GATA5: variants seen among roughly 807,000 people sequenced by gnomAD.
GATA5 encodes GATA binding protein 5, also known as transcription factor GATA-5.
In GATA5, 27 loss-of-function variants were observed where a neutral mutation model predicts 35.0. The ratio of observed to expected loss-of-function variants is 0.77; its 90% CI spans 0.57 to 1.06. The LOEUF is 1.06. Ranked by LOEUF, GATA5 falls within the 50% of genes least tolerant of loss-of-function variation. The pLI, the probability that GATA5 is intolerant of heterozygous loss-of-function variation, is 0.00. For missense variants in GATA5, 612 were observed against 580.0 expected (o/e 1.06, Z -0.57); for synonymous variants, 306 against 267.8 (o/e 1.14, Z -1.39).
chr20:62,464,084 G>C lies in GATA5; in HGVS notation c.*752C>G, dbSNP rs1158686658. 1.3e-5 allele frequency: 2 copies of C among 152,270 alleles called. No individual in the cohort carries two copies. The highest frequency in any genetic ancestry group is 2.4e-5 in the African/African-American group (1 of 41,456). The allele number at this position is 152,270 out of a possible 1,614,324, so 9.4% of individuals were successfully genotyped here. A position where few individuals can be genotyped will look rare whatever the true frequency, so the allele number is the denominator to read the frequency against. Reference sequence around the variant, plus strand: ...AACAGCGCTTGGATGGGTCAGGACAGGGCTACCAGACAATTCATTCTGCCT... The same window carrying C: ...AACAGCGCTTGGATGGGTCAGGACACGGCTACCAGACAATTCATTCTGCCT... On this transcript the variant is annotated 3_prime_UTR_variant, in exon 7 of 7. Coordinates refer to ENST00000252997, the MANE Select transcript of GATA5 (RefSeq NM_080473.5).
Position 62,466,406 on chromosome 20 carries a change from GC to G in GATA5, c.825+19del. ...GGCTGGACAGAGGCCTCCCCGCCCT[GC>G]CCCGGGGACCACACTCACCCCGTGC... On this transcript the variant is annotated intron_variant, in intron 4 of 6. Transcript: ENST00000252997. The G allele has an allele frequency of 6.4e-7, 1 of 1,567,270 alleles. No homozygotes were observed. The highest frequency in any genetic ancestry group is 8.6e-7 in the Non-Finnish European group (1 of 1,156,626).
chr20:62,465,549 C>A, intron 5 of GATA5, 85 bp from the exon 6 acceptor site: 1 of 1,518,258 alleles, frequency 6.6e-7, no homozygotes, highest in Non-Finnish European at 8.8e-7. Context: ...TCCTCTGGCC[C>A]CGGCCCAGAG....
At chr20:62,466,145 CA>C (rs1302150573) in intron 4 of GATA5, among the ~76,000 whole-genome samples, 56 of 152,354 alleles carry the variant, frequency 3.7e-4, no homozygotes, top group African/African-American at 1.3e-3. Flanking sequence ...CAGAAGGCAC[CA>C]GGGGTGCCCA....
chr20:62,474,021 C>G (rs1569048732), intron 2 of GATA5, among the ~76,000 whole-genome samples: 1 of 151,474 alleles, frequency 6.6e-6, no homozygotes, highest in Non-Finnish European at 1.5e-5. Context: ...CGCCCCTGGG[C>G]TCTCCTGGGA....
chr20:62,467,801 G>A (rs1989627405), intron 3 of GATA5, among the ~76,000 whole-genome samples: 1 of 152,268 alleles, frequency 6.6e-6, no homozygotes. Context: ...GCACAAGTGA[G>A]CCAGCCACAC....
chr20:62,473,541 A>G lies in GATA5; in HGVS notation c.561T>C (p.Arg187=), dbSNP rs1306360566. The G allele has an allele frequency of 6.2e-7, 1 of 1,605,206 alleles. No homozygotes were observed. The highest frequency in any genetic ancestry group is 8.5e-7 in the Non-Finnish European group (1 of 1,176,500). ...ACAGGGCCCCGCAGTTGACACACTCACGACCCTCACCCGGGAACTCCTCCA... is the reference window on the plus strand; with the variant it reads ...ACAGGGCCCCGCAGTTGACACACTCGCGACCCTCACCCGGGAACTCCTCCA... ...DFLEEFPGEG[R]ECVNCGALST... is the part of the protein sequence containing the mutation. The change falls in exon 3 of 7, where the codon CGT becomes CGC. Residue 187 remains arginine (R), a synonymous_variant. Coordinates refer to ENST00000252997, the MANE Select transcript of GATA5 (RefSeq NM_080473.5).
At chr20:62,471,006 T>A (rs1350339002) in intron 3 of GATA5, among the ~76,000 whole-genome samples, 2 of 152,174 alleles carry the variant, frequency 1.3e-5, no homozygotes, top group Non-Finnish European at 2.9e-5. Flanking sequence ...CACCAGCTAA[T>A]TTAACTTTTA....
intron 6 of GATA5, 107 bp from the exon 7 acceptor site, chr20:62,465,098 C>T: frequency 9.8e-7 from 1 of 1,018,870 alleles, no homozygotes; most frequent in Non-Finnish European, 1.4e-6. Flanking sequence ...GGTATTTGCC[C>T]TTAGGGACCC....
rs536933129 is a variant in GATA5, at chr20:62,475,983, C to G, written c.-75G>C. 3 of 151,468 alleles carry G rather than the reference C, an allele frequency of 2.0e-5. No homozygotes were observed. The East Asian group carries it at 5.8e-4, about 30-fold the overall frequency. 9.4% of individuals were successfully genotyped at this position (151,468 alleles called of 1,614,324 possible). On this transcript the variant is annotated 5_prime_UTR_variant, in exon 1 of 7. Transcript: ENST00000252997. ...GCGGTGGCGGTGGGTCGGCGACCGG[C>G]GGGCCGAAGACTGGAAGCCCGGGCC... is the stretch of plus-strand genomic sequence containing the variant.
chr20:62,473,606 G>A (rs200354101), intron 2 of GATA5, 28 bp from the exon 3 acceptor site: 55 of 1,559,694 alleles, frequency 3.5e-5, no homozygotes, highest in East Asian at 7.1e-5. Context: ...TGGTGGGCCC[G>A]GGCCCTCCCC....
intron 3 of GATA5, among the ~76,000 whole-genome samples, chr20:62,469,270 A>C (rs1989666558): frequency 6.6e-6 from 1 of 152,232 alleles, no homozygotes; most frequent in Non-Finnish European, 1.5e-5. Flanking sequence ...TTGGGACATG[A>C]ATGCTAAAAT....
rs564901200 is a variant in GATA5, at chr20:62,474,889, A to G, written c.523+110T>C. On this transcript the variant is annotated intron_variant, in intron 2 of 6. Transcript: ENST00000252997. ...CGGGGCTGCTGGTGTCGCTCCTGGC[A>G]GGGAGGCTCGGACCGTGGGGGAGGA... 9.3e-6 allele frequency: 9 copies of G among 970,426 alleles called. No individual in the cohort carries two copies. The Admixed American group carries it at 3.0e-4, about 32-fold the overall frequency. 60.1% of individuals were successfully genotyped at this position (970,426 alleles called of 1,614,324 possible).
At chr20:62,465,802 A>T in intron 5 of GATA5, 32 bp downstream of exon 5, 1 of 1,510,054 alleles carries the variant, frequency 6.6e-7, no homozygotes, top group East Asian at 2.4e-5. Flanking sequence ...ACTCCGCAGG[A>T]GCGGGGCTGA....
rs1420736795 is a variant in GATA5, at chr20:62,470,953, GC to G, written c.699+2449del. Among the ~76,000 whole-genome samples, 2 of 152,186 alleles carry G rather than the reference GC, an allele frequency of 1.3e-5. No homozygotes were observed. The highest frequency in any genetic ancestry group is 2.9e-5 in the Non-Finnish European group (2 of 68,042). On this transcript the variant is annotated intron_variant, in intron 3 of 6. Coordinates refer to ENST00000252997, the MANE Select transcript of GATA5 (RefSeq NM_080473.5). This position sits in a 1 kb window ranked among gnomAD's most constrained non-coding sequence, Gnocchi z 4.6. Reference sequence around the variant, plus strand: ...GAATGGAGGCCTCATCACGCCAAGGGCCCCCATTAGCCCGTCCTCAGAGCCA... The same window carrying G: ...GAATGGAGGCCTCATCACGCCAAGGGCCCCATTAGCCCGTCCTCAGAGCCA...
chr20:62,466,344 C>A, intron 4 of GATA5, 82 bp downstream of exon 4: 1 of 1,437,902 alleles, frequency 7.0e-7, no homozygotes, highest in Non-Finnish European at 9.3e-7. Context: ...TCCTCCCCAG[C>A]CTCTTGGTCT....
In GATA5 at chr20:62,464,662, C is replaced by T. The variant is rs1233594046; in HGVS notation, c.*174G>A. 1.3e-5 allele frequency: 7 copies of T among 525,576 alleles called. No homozygotes were observed. The highest frequency in any genetic ancestry group is 7.5e-5 in the Admixed American group (2 of 26,772). 32.6% of individuals were successfully genotyped at this position (525,576 alleles called of 1,614,324 possible). Reference sequence around the variant, plus strand: ...TCACCAGCCTTCTTGCTCTGGGGCCCGACTGCCGTCTGTCCAGAAGGCCTC... The same window carrying T: ...TCACCAGCCTTCTTGCTCTGGGGCCTGACTGCCGTCTGTCCAGAAGGCCTC... On this transcript the variant is annotated 3_prime_UTR_variant, in exon 7 of 7. Transcript: ENST00000252997.
intron 3 of GATA5, 21 bp from the exon 4 acceptor site, chr20:62,466,572 G>A (rs1555896122): frequency 6.5e-7 from 1 of 1,541,492 alleles, no homozygotes; most frequent in Non-Finnish European, 8.7e-7. Flanking sequence ...GAGGGAGACT[G>A]GAGTGAGCCC....
intron 3 of GATA5, among the ~76,000 whole-genome samples, chr20:62,467,526 G>A (rs1989621591): frequency 6.6e-6 from 1 of 152,200 alleles, no homozygotes; most frequent in Non-Finnish European, 1.5e-5. Context: ...CTCCTGGGGG[G>A]CTGCTGTTTC....
At position 62,469,485 on chromosome 20, in the gene GATA5, G is replaced by A. The variant is rs1277011624; in HGVS notation, c.700-2934C>T. Among the ~76,000 whole-genome samples, 8 of 152,324 alleles carry A rather than the reference G, an allele frequency of 5.3e-5. No individual in the cohort carries two copies. The East Asian group carries it at 1.2e-3, about 22-fold the overall frequency. ...CACACAGATAGGGGTGCACACACATGAGCACACTCCACACGTCCCCGCACA... is the reference window on the plus strand; with the variant it reads ...CACACAGATAGGGGTGCACACACATAAGCACACTCCACACGTCCCCGCACA... On this transcript the variant is annotated intron_variant, in intron 3 of 6. Transcript: ENST00000252997.
Sources: gnomAD v4.1 joint callset for allele counts (sites outside exome capture counted in the v4.1 genomes callset) on GRCh38, gnomAD v4.1.1 for gene constraint, Gnocchi (gnomAD v3.1) non-coding constraint, MANE v1.5 for transcripts, NCBI Gene and HGNC (gene_info 2026-07-23, HGNC 2026-07-21) for gene names.